The following ARHGAP22 variants were observed in gnomAD, a reference collection of about 807,000 sequenced individuals.
ARHGAP22 encodes rho GTPase-activating protein 22.
A neutral mutation model predicts 59.1 loss-of-function variants in ARHGAP22; 48 were observed. The observed-to-expected ratio is 0.81, with a 90% CI of 0.64 to 1.03. The LOEUF (loss-of-function observed/expected upper bound fraction) is 1.03, where lower values mean the gene tolerates loss of function less well. Ranked by LOEUF, ARHGAP22 falls within the 50% of genes least tolerant of loss-of-function variation. The pLI is 0.00. For missense variants in ARHGAP22, 1,015 were observed against 958.7 expected, an observed-to-expected ratio of 1.06 and a Z score of -0.78; for synonymous variants, 445 against 416.4, an observed-to-expected ratio of 1.07 and a Z score of -0.84.
chr10:48,615,236 G>A (rs2061035563), intron 1 of ARHGAP22, among the ~76,000 whole-genome samples: 2 of 152,114 alleles, frequency 1.3e-5, no homozygotes. Context: ...TAAATTTCTG[G>A]GCTGAGTCTT....
At chr10:48,466,043 C>G (rs1480112473) in intron 4 of ARHGAP22, among the ~76,000 whole-genome samples, 3 of 152,118 alleles carry the variant, frequency 2.0e-5, no homozygotes, top group Non-Finnish European at 4.4e-5. Context: ...TCTCCTGCTC[C>G]CCACCCGTCC....
chr10:48,615,972 T>C lies in ARHGAP22; in HGVS notation c.53-32820A>G, dbSNP rs1282642848. ...AGGAACAGAAAAAAAAAAAAAAGAA[T>C]GAAGAAGATGAGCAAAGCCTAAGAT... On this transcript the variant is annotated intron_variant, in intron 1 of 9. Transcript: ENST00000435790. Among the ~76,000 whole-genome samples the C allele has an allele frequency of 2.7e-5, 4 of 149,796 alleles. No homozygotes were observed. In the East Asian group the frequency reaches 7.8e-4, roughly 29 times the overall value.
intron 3 of ARHGAP22, among the ~76,000 whole-genome samples, chr10:48,526,298 G>C (rs1170501423): frequency 6.6e-6 from 1 of 152,194 alleles, no homozygotes; most frequent in Non-Finnish European, 1.5e-5. Context: ...TCAAAGGAGA[G>C]ATTAACAAGA....
rs770930525 is a variant in ARHGAP22, at chr10:48,555,561, G to A, written c.235-11C>T. On this transcript the variant is annotated splice_polypyrimidine_tract_variant and intron_variant, in intron 2 of 9. Coordinates refer to ENST00000249601, the MANE Select transcript of ARHGAP22 (RefSeq NM_021226.4). ...TAGAGAAATAAATCCCTAAAAAGGA[G>A]GCAAACACAAACACAGGGAGCATGA... The A allele has an allele frequency of 5.6e-6, 9 of 1,612,554 alleles. No individual in the cohort carries two copies. The highest frequency in any genetic ancestry group is 4.5e-5 in the East Asian group (2 of 44,890).
intron 1 of ARHGAP22, among the ~76,000 whole-genome samples, chr10:48,647,259 T>C (rs2062344951): frequency 6.6e-6 from 1 of 151,922 alleles, no homozygotes; most frequent in Non-Finnish European, 1.5e-5. Flanking sequence ...CTGTGCGTGG[T>C]GGTGGGTGCC....
chr10:48,631,653 A>G (rs2061632351), intron 1 of ARHGAP22, among the ~76,000 whole-genome samples: 1 of 152,208 alleles, frequency 6.6e-6, no homozygotes, highest in South Asian at 2.1e-4. Context: ...CAGTATTCCC[A>G]GTTCCTCCAT....
At chr10:48,456,916 C>A (rs73293570) in intron 5 of ARHGAP22, among the ~76,000 whole-genome samples, 2 of 152,078 alleles carry the variant, frequency 1.3e-5, no homozygotes, top group African/African-American at 2.4e-5. Flanking sequence ...CCCCTTCCCC[C>A]CTCCAACAAG....
chr10:48,630,339 C>T (rs2061589851), intron 1 of ARHGAP22, among the ~76,000 whole-genome samples: 3 of 152,300 alleles, frequency 2.0e-5, no homozygotes, highest in African/African-American at 4.8e-5. Context: ...ATCCACCCAC[C>T]TCAGCCTCCC....
At chr10:48,430,398 GTTC>G in the ARHGAP22 span, 3 of 152,286 alleles carry the variant, frequency 2.0e-5, no homozygotes, top group Admixed American at 6.5e-5. Flanking sequence ...ATGGCCGAAG[GTTC>G]TTCTTAAGTA....
At chr10:48,561,965 G>A (rs542662224) in intron 2 of ARHGAP22, among the ~76,000 whole-genome samples, 3 of 152,178 alleles carry the variant, frequency 2.0e-5, no homozygotes, top group Admixed American at 6.5e-5. Context: ...AGTGGCTCAC[G>A]CCTGTAATCC....
intron 1 of ARHGAP22, among the ~76,000 whole-genome samples, chr10:48,630,676 G>A (rs1444614676): frequency 1.3e-5 from 2 of 152,138 alleles, no homozygotes; most frequent in Non-Finnish European, 2.9e-5. Flanking sequence ...CTTATAAGTT[G>A]CAAGAGTTTT....
intron 3 of ARHGAP22, among the ~76,000 whole-genome samples, chr10:48,518,222 C>G (rs1438854783): frequency 6.6e-6 from 1 of 152,054 alleles, no homozygotes; most frequent in Non-Finnish European, 1.5e-5. Context: ...TGGTTCCAGG[C>G]CTCAGATCTG....
intron 3 of ARHGAP22, among the ~76,000 whole-genome samples, chr10:48,488,473 C>A (rs1371251944): frequency 6.6e-6 from 1 of 152,134 alleles, no homozygotes; most frequent in African/African-American, 2.4e-5. Flanking sequence ...ATGAATGTTT[C>A]TGTATTTCCA....
intron 1 of ARHGAP22, among the ~76,000 whole-genome samples, chr10:48,630,296 TGGCC>T (rs1565027000): frequency 6.6e-6 from 1 of 152,132 alleles, no homozygotes; most frequent in Non-Finnish European, 1.5e-5. Flanking sequence ...TTCACCATGT[TGGCC>T]GGGATGTTCT....
At chr10:48,563,600 A>G (rs2057853781) in intron 2 of ARHGAP22, among the ~76,000 whole-genome samples, 1 of 152,240 alleles carries the variant, frequency 6.6e-6, no homozygotes, top group Non-Finnish European at 1.5e-5. Context: ...TCCAGGGATT[A>G]GGACAGGCAT....
At chr10:48,571,536 A>C (rs757129071) in intron 2 of ARHGAP22, among the ~76,000 whole-genome samples, 1 of 152,144 alleles carries the variant, frequency 6.6e-6, no homozygotes, top group African/African-American at 2.4e-5. Context: ...TCTAATTTCT[A>C]TGCATCTTAA....
intron 3 of ARHGAP22, among the ~76,000 whole-genome samples, chr10:48,523,607 C>T (rs562309180): frequency 4.6e-5 from 7 of 152,338 alleles, no homozygotes; most frequent in Non-Finnish European, 7.4e-5. Flanking sequence ...TGAATGGTCC[C>T]TCTCCCGGCA....
chr10:48,516,942 G>A (rs1201460868), intron 3 of ARHGAP22, among the ~76,000 whole-genome samples: 1 of 152,336 alleles, frequency 6.6e-6, no homozygotes, highest in South Asian at 2.1e-4. Context: ...AAGGAATGAA[G>A]TAGCCATACA....
At chr10:48,628,821 C>T (rs1306971702) in intron 1 of ARHGAP22, among the ~76,000 whole-genome samples, 2 of 152,240 alleles carry the variant, frequency 1.3e-5, no homozygotes, top group African/African-American at 4.8e-5. Flanking sequence ...GCCACAGTGA[C>T]ATATCTTGCA....
Sources: gnomAD v4.1 joint callset for allele counts (sites outside exome capture counted in the v4.1 genomes callset) on GRCh38, gnomAD v4.1.1 for gene constraint, MANE v1.5 for transcripts, NCBI Gene and HGNC (gene_info 2026-07-23, HGNC 2026-07-21) for gene names.